The following AGMO variants were observed in gnomAD, a reference collection of about 807,000 sequenced individuals.
The protein encoded by AGMO is alkylglycerol monooxygenase.
AGMO carries 75 observed loss-of-function variants against 60.2 expected under a neutral mutation model. The observed-to-expected ratio is 1.25, with a 90% CI of 1.03 to 1.51. The LOEUF is 1.51. Ranked by LOEUF, AGMO falls within the 40% of genes most tolerant of loss-of-function variation. The pLI, the probability that AGMO is intolerant of heterozygous loss-of-function variation, is 0.00. For synonymous variants in AGMO, 261 were observed against 177.1 expected (o/e 1.47, Z -3.76); for missense variants, 763 against 525.5 (o/e 1.45, Z -4.42).
At chr7:15,262,922 C>A (rs1367927241) in intron 12 of AGMO, among the ~76,000 whole-genome samples, 1 of 151,764 alleles carries the variant, frequency 6.6e-6, no homozygotes, top group African/African-American at 2.4e-5. Flanking sequence ...CCTTACAAAA[C>A]TCAACCCAAG....
At chr7:15,320,169 A>C (rs1183963618) in intron 12 of AGMO, among the ~76,000 whole-genome samples, 1 of 152,140 alleles carries the variant, frequency 6.6e-6, no homozygotes, top group East Asian at 1.9e-4. Context: ...GTAAATGACG[A>C]GTTAATGGGT....
the AGMO span, among the ~76,000 whole-genome samples, chr7:15,166,894 T>A: frequency 1.3e-5 from 2 of 152,146 alleles, no homozygotes; most frequent in African/African-American, 4.8e-5. Flanking sequence ...ATTAGGGGTG[T>A]AAGTGGGAGG....
intron 12 of AGMO, among the ~76,000 whole-genome samples, chr7:15,279,407 A>G (rs548891996): frequency 6.6e-6 from 1 of 152,266 alleles, no homozygotes; most frequent in African/African-American, 2.4e-5. Flanking sequence ...ATTCCTCTCC[A>G]TGACAGAGGT....
At chr7:15,354,140 GT>G (rs1782360160) in intron 12 of AGMO, among the ~76,000 whole-genome samples, 3 of 151,406 alleles carry the variant, frequency 2.0e-5, no homozygotes, top group East Asian at 2.0e-4. Flanking sequence ...AGAGGACAAT[GT>G]TTTTTTAAAG....
chr7:15,249,929 A>C (rs1175859301), intron 12 of AGMO, among the ~76,000 whole-genome samples: 1 of 152,222 alleles, frequency 6.6e-6, no homozygotes, highest in African/African-American at 2.4e-5. Flanking sequence ...ATGTCTAAAG[A>C]AAGGTTTTAA....
intron 3 of AGMO, among the ~76,000 whole-genome samples, chr7:15,502,119 A>G (rs1440240370): frequency 6.6e-6 from 1 of 151,976 alleles, no homozygotes; most frequent in Non-Finnish European, 1.5e-5. Flanking sequence ...CTCATCTCCA[A>G]AGTGAGGGAT....
intron 3 of AGMO, among the ~76,000 whole-genome samples, chr7:15,436,372 A>C (rs541422471): frequency 3.9e-5 from 6 of 152,150 alleles, no homozygotes; most frequent in Non-Finnish European, 8.8e-5. Flanking sequence ...ATTCCTTCTA[A>C]GTGGAAGAAC....
intron 4 of AGMO, among the ~76,000 whole-genome samples, chr7:15,427,293 T>A (rs1583540520): frequency 6.6e-6 from 1 of 152,136 alleles, no homozygotes; most frequent in African/African-American, 2.4e-5. Flanking sequence ...ACTATTTATT[T>A]TATAATAGTT....
chr7:15,354,353 T>TAGACGTGTGTATAC (rs1554422568), intron 12 of AGMO, among the ~76,000 whole-genome samples: 2 of 72,474 alleles, frequency 2.8e-5, no homozygotes, highest in Non-Finnish European at 5.3e-5. Flanking sequence ...CGCGTGTATA[T>TAGACGTGTGTATAC]AGACGTGTGT....
intron 12 of AGMO, among the ~76,000 whole-genome samples, chr7:15,250,616 T>C (rs2128506269): frequency 6.6e-6 from 1 of 152,030 alleles, no homozygotes; most frequent in Middle Eastern, 3.4e-3. Context: ...AATTTGCAGA[T>C]ATAAATATGA....
intron 11 of AGMO, among the ~76,000 whole-genome samples, chr7:15,365,887 A>G (rs1353808642): frequency 2.6e-5 from 4 of 152,018 alleles, no homozygotes; most frequent in Non-Finnish European, 5.9e-5. Flanking sequence ...TTAGGCAACT[A>G]AATTTCTAGG....
intron 3 of AGMO, among the ~76,000 whole-genome samples, chr7:15,432,571 T>G (rs1781285820): frequency 6.6e-6 from 1 of 151,564 alleles, no homozygotes; most frequent in African/African-American, 2.4e-5. Context: ...AGTCTTATTA[T>G]GAACAGATAA....
chr7:15,353,779 T>A (rs1782347192), intron 12 of AGMO, among the ~76,000 whole-genome samples: 1 of 152,184 alleles, frequency 6.6e-6, no homozygotes, highest in African/African-American at 2.4e-5. Context: ...CAAAAGCAAC[T>A]GCACTTGTTG....
At chr7:15,194,269 T>C in the AGMO span, among the ~76,000 whole-genome samples, 1 of 152,218 alleles carries the variant, frequency 6.6e-6, no homozygotes, top group East Asian at 1.9e-4. Context: ...ACTGGTATCT[T>C]TTAACTGATT....
intron 12 of AGMO, among the ~76,000 whole-genome samples, chr7:15,244,005 C>G (rs1396456579): frequency 6.6e-6 from 1 of 152,166 alleles, no homozygotes; most frequent in Non-Finnish European, 1.5e-5. Context: ...CTTGAAACAT[C>G]CCTCCACTCT....
At chr7:15,494,720 A>G (rs535856555) in intron 3 of AGMO, among the ~76,000 whole-genome samples, 1 of 152,342 alleles carries the variant, frequency 6.6e-6, no homozygotes, top group East Asian at 1.9e-4. Flanking sequence ...AATCCTCTTA[A>G]GTATAACAGA....
chr7:15,118,172 A>AC, the AGMO span, among the ~76,000 whole-genome samples: 34,864 of 95,204 alleles, frequency 0.37, 4,424 homozygotes, highest in Middle Eastern at 0.44. Flanking sequence ...CACTAAAGAG[A>AC]AACACACACA....
intron 3 of AGMO, among the ~76,000 whole-genome samples, chr7:15,458,870 G>C (rs990940266): frequency 6.6e-6 from 1 of 152,136 alleles, no homozygotes; most frequent in African/African-American, 2.4e-5. Flanking sequence ...ACCATTGCAA[G>C]ATGTTCTTCC....
At chr7:15,383,959 T>C (rs953705116) in intron 10 of AGMO, among the ~76,000 whole-genome samples, 1 of 152,008 alleles carries the variant, frequency 6.6e-6, no homozygotes, top group African/African-American at 2.4e-5. Flanking sequence ...TGTTTGAGAC[T>C]GAGTCTCGCT....
Sources: gnomAD v4.1 joint callset for allele counts (sites outside exome capture counted in the v4.1 genomes callset) on GRCh38, gnomAD v4.1.1 for gene constraint, MANE v1.5 for transcripts, NCBI Gene and HGNC (gene_info 2026-07-23, HGNC 2026-07-21) for gene names.